The following ZPBP variants were observed in gnomAD, a reference collection of about 807,000 sequenced individuals.
The protein encoded by ZPBP is zona pellucida binding protein, also known as zona pellucida-binding protein 1.
ZPBP carries 26 observed loss-of-function variants against 44.8 expected under a neutral mutation model. That is an observed-to-expected ratio of 0.58 (90% CI 0.43 to 0.81). ZPBP has a LOEUF of 0.81. Ranked by LOEUF, ZPBP falls within the 30% of genes least tolerant of loss-of-function variation. The pLI is 0.00. For synonymous variants in ZPBP, 174 were observed against 153.2 expected, an observed-to-expected ratio of 1.14 and a Z score of -1.00; for missense variants, 409 against 434.0, an observed-to-expected ratio of 0.94 and a Z score of 0.51.
intron 6 of ZPBP, among the ~76,000 whole-genome samples, chr7:49,984,489 G>C (rs986548250): frequency 4.6e-5 from 7 of 152,096 alleles, no homozygotes; most frequent in African/African-American, 1.7e-4. Context: ...CACAGACCAG[G>C]GTGGTAGGAT....
intron 6 of ZPBP, among the ~76,000 whole-genome samples, chr7:50,009,376 C>T (rs1388451764): frequency 6.6e-6 from 1 of 151,272 alleles, no homozygotes; most frequent in Non-Finnish European, 1.5e-5. Flanking sequence ...GAACCTGCCA[C>T]AAGTTCACCT....
intron 7 of ZPBP, among the ~76,000 whole-genome samples, chr7:49,977,305 T>C (rs1202565653): frequency 6.6e-6 from 1 of 152,072 alleles, no homozygotes; most frequent in Non-Finnish European, 1.5e-5. Flanking sequence ...TATTTCGTAC[T>C]GATAATAGAA....
At chr7:49,948,717 C>G (rs144200118) in intron 7 of ZPBP, among the ~76,000 whole-genome samples, 1 of 152,076 alleles carries the variant, frequency 6.6e-6, no homozygotes, top group Non-Finnish European at 1.5e-5. Flanking sequence ...TGGAAAATAA[C>G]TAGTGTTGGT....
intron 1 of ZPBP, chr7:49,919,082 C>T (rs762370056): frequency 6.6e-6 from 1 of 150,764 alleles, no homozygotes; most frequent in Non-Finnish European, 1.5e-5. Flanking sequence ...AGTGATGGAA[C>T]TGAGGCCAAA....
At chr7:50,067,941 T>C (rs1801609864) in intron 3 of ZPBP, among the ~76,000 whole-genome samples, 2 of 152,226 alleles carry the variant, frequency 1.3e-5, no homozygotes, top group Non-Finnish European at 1.5e-5. Flanking sequence ...AATTTAGTAG[T>C]TGTCCTTCTA....
chr7:50,090,623 G>T (rs1802931784), intron 1 of ZPBP, among the ~76,000 whole-genome samples: 1 of 148,268 alleles, frequency 6.7e-6, no homozygotes, highest in Non-Finnish European at 1.5e-5. Flanking sequence ...GTGTATATAT[G>T]TGTATATATA....
At chr7:50,045,194 T>C (rs1213535174) in intron 4 of ZPBP, among the ~76,000 whole-genome samples, 1 of 152,158 alleles carries the variant, frequency 6.6e-6, no homozygotes, top group Non-Finnish European at 1.5e-5. Flanking sequence ...GCCAATATCA[T>C]AATAAATGGG....
intron 5 of ZPBP, among the ~76,000 whole-genome samples, chr7:50,026,325 A>C (rs1369592170): frequency 6.6e-6 from 1 of 151,936 alleles, no homozygotes; most frequent in Non-Finnish European, 1.5e-5. Flanking sequence ...TGAAGGGAAA[A>C]GCAGATAATA....
chr7:50,040,642 C>T (rs1221301340), intron 4 of ZPBP, among the ~76,000 whole-genome samples: 2 of 152,138 alleles, frequency 1.3e-5, no homozygotes, highest in Admixed American at 6.5e-5. Context: ...TACCCTTTTC[C>T]GACAGTCTTC....
intron 7 of ZPBP, chr7:49,940,817 G>C: frequency 5.1e-6 from 5 of 985,152 alleles, no homozygotes; most frequent in Non-Finnish European, 6.0e-6. Context: ...CTGTATGAGA[G>C]TCCCATGCCT....
At position 49,981,772 on chromosome 7, in the gene ZPBP, T is replaced by G. The variant is rs527283970; in HGVS notation, c.961+1570A>C. Among the ~76,000 whole-genome samples, 17 of 99,686 alleles carry G rather than the reference T, an allele frequency of 1.7e-4. 1 individual carries two copies. The highest frequency in any genetic ancestry group is 6.3e-4 in the African/African-American group (15 of 23,752). The allele number at this position is 99,686 out of a possible 152,430, so 65.4% of individuals were successfully genotyped here. A position where few individuals can be genotyped will look rare whatever the true frequency, so the allele number is the denominator to read the frequency against. ...ATTATATATTATAATTTTACATAATTATATGAATTATATAGATTATATAAT... is the reference window on the plus strand; with the variant it reads ...ATTATATATTATAATTTTACATAATGATATGAATTATATAGATTATATAAT... On this transcript the variant is annotated intron_variant, in intron 7 of 7. Transcript: ENST00000046087.
At chr7:50,016,514 T>C (rs528548482) in intron 6 of ZPBP, among the ~76,000 whole-genome samples, 7 of 151,710 alleles carry the variant, frequency 4.6e-5, no homozygotes, top group Non-Finnish European at 8.8e-5. Context: ...AATTTACCCA[T>C]GTAACAAACC....
chr7:49,870,140 C>A (rs1791081725), intron 2 of ZPBP, among the ~76,000 whole-genome samples: 1 of 152,190 alleles, frequency 6.6e-6, no homozygotes, highest in Non-Finnish European at 1.5e-5. Context: ...GTGGCTCATA[C>A]CTGTAATCCC....
rs2128832639 is a variant in ZPBP, at chr7:50,061,136, A to G, written c.335-2995T>C. ...TCCCTTTATGTTAAAAACCCTCAAT[A>G]AACTGGGCATCAAAGGAACATACCT... is the stretch of plus-strand genomic sequence containing the variant. On this transcript the variant is annotated intron_variant, in intron 3 of 7. Transcript: ENST00000046087. Among the ~76,000 whole-genome samples, 4 of 152,280 alleles carry G rather than the reference A, an allele frequency of 2.6e-5. No individual in the cohort carries two copies. The Middle Eastern group carries it at 0.014, about 518-fold the overall frequency.
intron 2 of ZPBP, among the ~76,000 whole-genome samples, chr7:49,869,920 A>C (rs1237123484): frequency 3.9e-5 from 6 of 152,204 alleles, no homozygotes; most frequent in African/African-American, 1.4e-4. Context: ...GTCAAAAGGA[A>C]TGACTACTTG....
intron 2 of ZPBP, among the ~76,000 whole-genome samples, chr7:49,855,514 G>C (rs1195600490): frequency 6.6e-6 from 1 of 152,218 alleles, no homozygotes; most frequent in Non-Finnish European, 1.5e-5. Flanking sequence ...GTTGTGGAGA[G>C]AGGTAAGGAA....
At chr7:49,982,274 A>G (rs570280336) in intron 7 of ZPBP, among the ~76,000 whole-genome samples, 2 of 105,348 alleles carry the variant, frequency 1.9e-5, no homozygotes, top group Non-Finnish European at 3.6e-5. Context: ...TATTATATAT[A>G]ATTTATAATT....
chr7:49,971,462 TAAC>T (rs1796302736), intron 7 of ZPBP, among the ~76,000 whole-genome samples: 1 of 151,982 alleles, frequency 6.6e-6, no homozygotes, highest in Non-Finnish European at 1.5e-5. Flanking sequence ...GAAAGAAAGA[TAAC>T]AAAATACTAT....
chr7:50,010,871 C>A (rs2128800699), intron 6 of ZPBP, among the ~76,000 whole-genome samples: 1 of 92,270 alleles, frequency 1.1e-5, no homozygotes, highest in Non-Finnish European at 2.0e-5. Context: ...TATATGGAAC[C>A]AATATAAAGG....
Sources: allele counts gnomAD v4.1 joint callset (sites outside exome capture counted in the v4.1 genomes callset), GRCh38; gene constraint gnomAD v4.1.1; transcripts MANE v1.5; gene names NCBI Gene and HGNC (gene_info 2026-07-23, HGNC 2026-07-21).